The following DAB1 variants were observed in gnomAD, a reference collection of about 807,000 sequenced individuals.
DAB1 encodes disabled homolog 1.
DAB1 carries 15 observed loss-of-function variants against 64.6 expected under a neutral mutation model. The observed-to-expected ratio is 0.23, with a 90% CI of 0.16 to 0.36. The LOEUF (loss-of-function observed/expected upper bound fraction) is 0.36, where lower values mean the gene tolerates loss of function less well. Among genes scored for constraint, DAB1 ranks in the 10% least tolerant of loss-of-function variants. DAB1 has a pLI of 1.00. For synonymous variants in DAB1, 235 were observed against 251.9 expected (o/e 0.93, Z 0.64); for missense variants, 596 against 706.7 (o/e 0.84, Z 1.78).
chr1:58,534,452 TG>T (rs1374712693), intron 1 of DAB1: 53 of 563,158 alleles, frequency 9.4e-5, no homozygotes, highest in Non-Finnish European at 1.6e-4. Context: ...TATAAAAATC[TG>T]CATATATTAA....
At chr1:57,585,749 G>C (rs1645371353) in intron 7 of DAB1, among the ~76,000 whole-genome samples, 1 of 152,038 alleles carries the variant, frequency 6.6e-6, no homozygotes, top group Non-Finnish European at 1.5e-5. Context: ...ACAAAGCCCA[G>C]CCAGGGAATG....
intron 1 of DAB1, among the ~76,000 whole-genome samples, chr1:57,857,933 AGAAAG>A (rs1653833249): frequency 6.7e-6 from 1 of 149,214 alleles, no homozygotes; most frequent in Non-Finnish European, 1.5e-5. Context: ...AAATTTAAAA[AGAAAG>A]AAAAAAAAAA....
chr1:57,953,233 T>C (rs1570061329), intron 5 of DAB1, among the ~76,000 whole-genome samples: 1 of 152,328 alleles, frequency 6.6e-6, no homozygotes, highest in East Asian at 1.9e-4. Context: ...TATTTACAAG[T>C]CCTCGTGTCA....
chr1:57,992,465 T>C (rs1347021965), intron 5 of DAB1, among the ~76,000 whole-genome samples: 1 of 152,148 alleles, frequency 6.6e-6, no homozygotes, highest in Non-Finnish European at 1.5e-5. Flanking sequence ...GTAGAAAATA[T>C]AATTCCACTA....
chr1:57,217,384 T>G (rs1366749035), intron 2 of DAB1, among the ~76,000 whole-genome samples: 2 of 152,138 alleles, frequency 1.3e-5, no homozygotes, highest in Non-Finnish European at 2.9e-5. Context: ...CTTGCTAGAA[T>G]GAATTGGGCA....
intron 2 of DAB1, among the ~76,000 whole-genome samples, chr1:57,259,747 C>T (rs187073138): frequency 6.6e-6 from 1 of 152,308 alleles, no homozygotes; most frequent in East Asian, 1.9e-4. Context: ...GAACTCTTCC[C>T]TCTGCCAATT....
At chr1:58,250,392 C>G (rs1291388940) in intron 4 of DAB1, among the ~76,000 whole-genome samples, 1 of 152,226 alleles carries the variant, frequency 6.6e-6, no homozygotes, top group African/African-American at 2.4e-5. Flanking sequence ...CTGGGTATCC[C>G]GGAGAGGGGA....
rs150011472 is a variant in DAB1 at position 57,024,934 on chromosome 1, G to A, written c.786+1047C>T. Among the ~76,000 whole-genome samples, 364 of 152,308 alleles carry A rather than the reference G, an allele frequency of 2.4e-3. 2 individuals are homozygous for A. The highest frequency in any genetic ancestry group is 4.0e-3 in the Non-Finnish European group (269 of 68,016). On this transcript the variant is annotated intron_variant, in intron 10 of 14. Transcript: ENST00000371236. ...AGGCTGCCTTGGACATCAGGTGTTG[G>A]CAGCAGGGCAGCTGTGCCTAGATTC...
chr1:57,178,261 T>C (rs1662543251), intron 2 of DAB1, among the ~76,000 whole-genome samples: 1 of 149,006 alleles, frequency 6.7e-6, no homozygotes, highest in South Asian at 2.1e-4. Context: ...AGCAATTCCA[T>C]CCTCCATAAT....
chr1:57,161,630 A>C (rs1660759180), intron 2 of DAB1, among the ~76,000 whole-genome samples: 1 of 152,182 alleles, frequency 6.6e-6, no homozygotes, highest in African/African-American at 2.4e-5. Context: ...GTATTTTTAA[A>C]ATTTTTGTAT....
chr1:58,005,005 G>C (rs1646560487), intron 5 of DAB1, among the ~76,000 whole-genome samples: 1 of 152,088 alleles, frequency 6.6e-6, no homozygotes, highest in African/African-American at 2.4e-5. Flanking sequence ...ACAAGGAATT[G>C]ACCCTGTTTT....
intron 7 of DAB1, among the ~76,000 whole-genome samples, chr1:57,593,176 G>A (rs1645466204): frequency 6.6e-6 from 1 of 152,132 alleles, no homozygotes; most frequent in African/African-American, 2.4e-5. Flanking sequence ...CCCAGCCCCT[G>A]ACAGCCTCCA....
At chr1:57,606,145 C>T (rs904785312) in intron 7 of DAB1, 3 of 277,826 alleles carry the variant, frequency 1.1e-5, no homozygotes, top group Non-Finnish European at 2.1e-5. Context: ...TAAAGTGATG[C>T]AAATTTGGTG....
At chr1:57,053,661 T>TCTCTCC (rs61390890) in intron 9 of DAB1, among the ~76,000 whole-genome samples, 16 of 104,558 alleles carry the variant, frequency 1.5e-4, no homozygotes, top group African/African-American at 6.8e-4. Context: ...TCTCTCTCTC[T>TCTCTCC]ATATGTATAT....
At chr1:57,569,082 C>A (rs1297464557) in intron 7 of DAB1, among the ~76,000 whole-genome samples, 1 of 150,212 alleles carries the variant, frequency 6.7e-6, no homozygotes, top group Non-Finnish European at 1.5e-5. Context: ...CACGGTGAAA[C>A]CCCGTCTCTA....
chr1:57,480,536 G>C (rs901400143), intron 7 of DAB1, among the ~76,000 whole-genome samples: 4 of 151,622 alleles, frequency 2.6e-5, no homozygotes, highest in Admixed American at 6.6e-5. Context: ...CCAGGCTGGA[G>C]TGCAGTAGCT....
intron 2 of DAB1, among the ~76,000 whole-genome samples, chr1:57,186,455 G>T (rs574795207): frequency 4.6e-5 from 7 of 152,278 alleles, no homozygotes; most frequent in Admixed American, 1.3e-4. Flanking sequence ...ATTTATTAGT[G>T]GGCCAATGGA....
chr1:57,082,032 A>T (rs1222925800), intron 4 of DAB1, among the ~76,000 whole-genome samples: 1 of 152,208 alleles, frequency 6.6e-6, no homozygotes, highest in East Asian at 1.9e-4. Flanking sequence ...ACATAGAAGC[A>T]ATGAAACCCC....
chr1:57,335,335 T>C (rs1676995273), intron 1 of DAB1, among the ~76,000 whole-genome samples: 2 of 152,178 alleles, frequency 1.3e-5, no homozygotes, highest in African/African-American at 4.8e-5. Flanking sequence ...GCTAACATGC[T>C]GACTGCCTGA....
Sources: allele counts gnomAD v4.1 joint callset (sites outside exome capture counted in the v4.1 genomes callset), GRCh38; gene constraint gnomAD v4.1.1; transcripts MANE v1.5; gene names NCBI Gene and HGNC (gene_info 2026-07-23, HGNC 2026-07-21).